MRTFA: variants seen among roughly 807,000 people sequenced by gnomAD.
MRTFA encodes the protein myocardin-related transcription factor A.
Under a neutral mutation model 83.5 loss-of-function variants are expected in MRTFA, and 20 were observed. That is an observed-to-expected ratio of 0.24 (90% CI 0.17 to 0.35). The LOEUF is 0.35. MRTFA is among the 10% of genes least tolerant of loss of function. The pLI, the probability that MRTFA is intolerant of heterozygous loss-of-function variation, is 1.00. For missense variants in MRTFA, 1,200 were observed against 1,224.7 expected, an observed-to-expected ratio of 0.98 and a Z score of 0.30; for synonymous variants, 659 against 541.2, an observed-to-expected ratio of 1.22 and a Z score of -3.02.
At position 40,494,971 on chromosome 22, in the gene MRTFA, C is replaced by G. The variant is rs543643549; in HGVS notation, c.242-31685G>C. On this transcript the variant is annotated intron_variant, in intron 3 of 14. Transcript: ENST00000355630. ...TAAAAGGTGGTGGTTTACCTTTTAG[C>G]AAAACTCACTGAACTGTACCCCTAA... 3.3e-5 allele frequency among the ~76,000 whole-genome samples: 5 copies of G among 151,166 alleles called. No individual in the cohort carries two copies. The South Asian group carries it at 1.0e-3, about 32-fold the overall frequency.
intron 1 of MRTFA, among the ~76,000 whole-genome samples, chr22:40,619,929 T>A (rs2056501019): frequency 6.6e-6 from 1 of 151,354 alleles, no homozygotes; most frequent in Non-Finnish European, 1.5e-5. Flanking sequence ...ACTTGATGAT[T>A]TGGGAAATTC....
intron 4 of MRTFA, among the ~76,000 whole-genome samples, chr22:40,449,900 T>C (rs2053455738): frequency 6.6e-6 from 1 of 152,234 alleles, no homozygotes; most frequent in Non-Finnish European, 1.5e-5. Context: ...CTGATATTTT[T>C]ATCAGGGGCA....
intron 3 of MRTFA, among the ~76,000 whole-genome samples, chr22:40,490,598 CA>C (rs35001108): frequency 0.13 from 16,909 of 128,452 alleles, 999 homozygotes; most frequent in East Asian, 0.24. Context: ...GATTCCATCT[CA>C]AAAAAAAAAA....
At chr22:40,473,766 T>C (rs1408832577) in intron 3 of MRTFA, among the ~76,000 whole-genome samples, 3 of 152,216 alleles carry the variant, frequency 2.0e-5, no homozygotes, top group Non-Finnish European at 4.4e-5. Flanking sequence ...ATTATACCTA[T>C]TTTACTGGTG....
rs1354043887 is a variant in MRTFA at position 40,424,502 on chromosome 22, C to T, written c.602-121G>A. On this transcript the variant is annotated intron_variant, in intron 7 of 14. Coordinates refer to ENST00000355630, the MANE Select transcript of MRTFA (RefSeq NM_020831.6). ...CCCACAGCCCACATGCCCCGTGAGG[C>T]AGGCAAGCCGAGGAGACTAGCAGCC... The T allele has an allele frequency of 2.2e-5, 23 of 1,066,846 alleles. 1 individual carries two copies. Among genetic ancestry groups the T allele is most frequent in the Non-Finnish European group, 3.1e-5 (23 of 748,672 alleles). The allele number at this position is 1,066,846 out of a possible 1,614,324, so 66.1% of individuals were successfully genotyped here. A position where few individuals can be genotyped will look rare whatever the true frequency, so the allele number is the denominator to read the frequency against.
chr22:40,620,378 C>A (rs1424657110), intron 1 of MRTFA, among the ~76,000 whole-genome samples: 1 of 151,276 alleles, frequency 6.6e-6, no homozygotes, highest in Non-Finnish European at 1.5e-5. Context: ...CCCGTCTCAA[C>A]CTCCCAAAGT....
In MRTFA at chr22:40,623,957, A is replaced by C. The variant is rs114458045; in HGVS notation, c.-84+12521T>G. On this transcript the variant is annotated intron_variant, in intron 1 of 14. Coordinates refer to ENST00000355630, the MANE Select transcript of MRTFA (RefSeq NM_020831.6). ...CTCTACAAAAAACCTTAAAATTATT[A>C]GCTAGGTGTGGTGGCACATGCCTCC... 5.0e-3 allele frequency among the ~76,000 whole-genome samples: 756 copies of C among 152,262 alleles called. 4 individuals are homozygous for C. The highest frequency in any genetic ancestry group is 0.018 in the African/African-American group (731 of 41,544).
At chr22:40,413,742 C>T (rs745305727) in intron 14 of MRTFA, among the ~76,000 whole-genome samples, 7 of 152,058 alleles carry the variant, frequency 4.6e-5, no homozygotes, top group South Asian at 2.1e-4. Flanking sequence ...CACGCCCAGC[C>T]GATTTATCAC....
At chr22:40,423,189 G>A (rs549863212) in intron 9 of MRTFA, among the ~76,000 whole-genome samples, 119 of 152,326 alleles carry the variant, frequency 7.8e-4, no homozygotes, top group Middle Eastern at 3.4e-3. Flanking sequence ...GACTCTGGCC[G>A]CGTCACTTCA....
chr22:40,606,825 G>A (rs914174168), intron 1 of MRTFA, among the ~76,000 whole-genome samples: 41 of 152,146 alleles, frequency 2.7e-4, no homozygotes, highest in African/African-American at 9.4e-4. Flanking sequence ...CAAAGCCAAA[G>A]GAGCTCCTCT....
chr22:40,534,522 G>A (rs2055134275), intron 3 of MRTFA, among the ~76,000 whole-genome samples: 1 of 152,184 alleles, frequency 6.6e-6, no homozygotes, highest in African/African-American at 2.4e-5. Context: ...TGGTGCAAAT[G>A]TGGCTTACTG....
At chr22:40,632,432 G>A (rs1171838258) in intron 1 of MRTFA, among the ~76,000 whole-genome samples, 1 of 151,166 alleles carries the variant, frequency 6.6e-6, no homozygotes, top group Non-Finnish European at 1.5e-5. Context: ...TACAGGCATG[G>A]GCTGCCACTC....
chr22:40,464,309 G>GAAAAAAAAAAAAAAAAA (rs398040500), intron 3 of MRTFA, among the ~76,000 whole-genome samples: 1 of 56,262 alleles, frequency 1.8e-5, no homozygotes, highest in Non-Finnish European at 3.1e-5. Context: ...GCTGTCTCAG[G>GAAAAAAAAAAAAAAAAA]AAAAAAAAAA....
At chr22:40,503,184 G>A (rs1353564451) in intron 3 of MRTFA, among the ~76,000 whole-genome samples, 1 of 152,214 alleles carries the variant, frequency 6.6e-6, no homozygotes, top group Non-Finnish European at 1.5e-5. Flanking sequence ...GAACTAACAA[G>A]GCTAGAAATC....
intron 3 of MRTFA, among the ~76,000 whole-genome samples, chr22:40,541,364 C>T (rs892278251): frequency 6.6e-6 from 1 of 152,164 alleles, no homozygotes. Context: ...CACAAGTGTA[C>T]GCATGAGTTT....
intron 3 of MRTFA, among the ~76,000 whole-genome samples, chr22:40,508,513 CAAAAAAAAAA>C (rs1175724448): frequency 3.5e-4 from 9 of 26,066 alleles, no homozygotes; most frequent in South Asian, 2.2e-3. Context: ...CTCCGTCTCT[CAAAAAAAAAA>C]AAAAAAAAAA....
intron 7 of MRTFA, among the ~76,000 whole-genome samples, chr22:40,425,914 C>A (rs180979888): frequency 6.6e-6 from 1 of 152,198 alleles, no homozygotes; most frequent in African/African-American, 2.4e-5. Context: ...ACAGTCACAT[C>A]CTGGGAACAA....
chr22:40,512,854 C>T (rs1228579754), intron 3 of MRTFA, among the ~76,000 whole-genome samples: 6 of 152,214 alleles, frequency 3.9e-5, no homozygotes, highest in East Asian at 1.9e-4. Context: ...ACCACCACTT[C>T]GCAATGTGCA....
At chr22:40,486,035 C>T (rs1055289900) in intron 3 of MRTFA, among the ~76,000 whole-genome samples, 1 of 152,152 alleles carries the variant, frequency 6.6e-6, no homozygotes, top group African/African-American at 2.4e-5. Context: ...GCCCACTGCC[C>T]GAGTGTGTTC....
Sources: allele counts gnomAD v4.1 joint callset (sites outside exome capture counted in the v4.1 genomes callset), GRCh38; gene constraint gnomAD v4.1.1; transcripts MANE v1.5; gene names NCBI Gene and HGNC (gene_info 2026-07-23, HGNC 2026-07-21).